Variants in TRPV5 observed in about 807,000 individuals in gnomAD.
The protein encoded by TRPV5 is calcium transport protein 2.
A neutral mutation model predicts 74.1 loss-of-function variants in TRPV5; 66 were observed. That is an observed-to-expected ratio of 0.89 (90% CI 0.73 to 1.09). TRPV5 has a LOEUF of 1.09. Ranked by LOEUF, TRPV5 falls within the 50% of genes least tolerant of loss-of-function variation. TRPV5 has a pLI of 0.00. For missense variants in TRPV5, 936 were observed against 930.4 expected (o/e 1.01, Z -0.08); for synonymous variants, 399 against 360.7 (o/e 1.11, Z -1.20).
At chr7:142,929,662 G>T (rs1796051003) in intron 3 of TRPV5, 97 bp from the exon 4 acceptor site, 1 of 1,545,744 alleles carries the variant, frequency 6.5e-7, no homozygotes, top group Non-Finnish European at 8.8e-7. Context: ...GTTCCTGATA[G>T]ATCTTTGCTA....
intron 9 of TRPV5, 31 bp from the exon 10 acceptor site, chr7:142,915,414 A>T: frequency 6.2e-7 from 1 of 1,609,344 alleles, no homozygotes; most frequent in Non-Finnish European, 8.5e-7. Flanking sequence ...CAAAAATACA[A>T]TGTGGACTGC....
intron 8 of TRPV5, among the ~76,000 whole-genome samples, chr7:142,918,784 C>T (rs1005775199): frequency 8.5e-5 from 13 of 152,196 alleles, no homozygotes; most frequent in South Asian, 6.2e-4. Context: ...CTGTCCAGGA[C>T]GCAGTTGCTC....
intron 12 of TRPV5, among the ~76,000 whole-genome samples, chr7:142,912,986 G>T (rs534102290): frequency 6.6e-6 from 1 of 152,092 alleles, no homozygotes; most frequent in Non-Finnish European, 1.5e-5. Context: ...ACCACTCTGG[G>T]TAATGGTCAT....
intron 14 of TRPV5, 49 bp downstream of exon 14, chr7:142,909,441 C>G: frequency 6.3e-7 from 1 of 1,598,966 alleles, no homozygotes; most frequent in South Asian, 1.1e-5. Flanking sequence ...CCCTTGCTTC[C>G]GTGGCCTTAT....
chr7:142,931,348 G>A (rs954987264), intron 1 of TRPV5, among the ~76,000 whole-genome samples: 1 of 152,116 alleles, frequency 6.6e-6, no homozygotes, highest in African/African-American at 2.4e-5. Flanking sequence ...CCTGCAGGGG[G>A]TGGAGAGTTG....
In TRPV5 at chr7:142,912,874, A is replaced by ATCTG. The variant is rs1252336199; in HGVS notation, c.1520-125_1520-124insCAGA. On this transcript the variant is annotated intron_variant, in intron 12 of 14. Coordinates refer to ENST00000265310, the MANE Select transcript of TRPV5 (RefSeq NM_019841.7). ...TATCTATCTATCTATCTATCTATCT[A>ATCTG]TCTATCTAAATACACTTGCACACAT... 7 of 1,100,904 alleles carry ATCTG rather than the reference A, an allele frequency of 6.4e-6. No individual in the cohort carries two copies. In the African/African-American group the frequency reaches 1.1e-4, roughly 17 times the overall value. 68.2% of individuals were successfully genotyped at this position (1,100,904 alleles called of 1,614,324 possible).
Position 142,909,541 on chromosome 7 carries a change from C to T in TRPV5, c.1844G>A (p.Arg615His), listed in dbSNP as rs760378826. Residue 615 changes from arginine (R) to histidine (H), a missense_variant, in exon 14 of 15, where the codon CGC (arginine) becomes CAC (histidine). Coordinates refer to ENST00000265310, the MANE Select transcript of TRPV5 (RefSeq NM_019841.7). ...GAATTCGCACCCACAGATCCCGGAG[C>T]GAGGCCACAGGCAGCGAGGCAGCTT... is the stretch of plus-strand genomic sequence containing the variant. Reference protein sequence around the residue: ...ERKLPRCLWPRSGICGCEFGL... With the variant: ...ERKLPRCLWPHSGICGCEFGL... 23 of 1,613,938 alleles carry T rather than the reference C, an allele frequency of 1.4e-5. No homozygotes were observed. The highest frequency in any genetic ancestry group is 8.0e-5 in the African/African-American group (6 of 74,922).
In TRPV5 at chr7:142,930,314, GC is replaced by G. The variant is rs771379401; in HGVS notation, c.226+34del. ...TTGGGGAGGAGGAGTAGGTTCTTCT[GC>G]CCCCACCTCCATCCCATTAAATCCA... is the stretch of plus-strand genomic sequence containing the variant. On this transcript the variant is annotated intron_variant, in intron 2 of 14. Transcript: ENST00000265310. The G allele has an allele frequency of 1.6e-5, 25 of 1,607,622 alleles. No individual in the cohort carries two copies. In the South Asian group the frequency reaches 2.5e-4, roughly 16 times the overall value.
chr7:142,922,304 G>A (rs1176855226), intron 8 of TRPV5, among the ~76,000 whole-genome samples: 5 of 152,130 alleles, frequency 3.3e-5, no homozygotes, highest in Admixed American at 3.3e-4. Flanking sequence ...AAAATCAAAG[G>A]AGGGCTCAAG....
At chr7:142,915,700 CA>C in intron 8 of TRPV5, 132 bp from the exon 9 acceptor site, 1 of 792,946 alleles carries the variant, frequency 1.3e-6, no homozygotes, top group Admixed American at 2.7e-5. Flanking sequence ...ACCCCACCCC[CA>C]TTGTACTTGC....
rs1201410443 is a variant in TRPV5 at position 142,924,387 on chromosome 7, T to TAC, written c.1122+1141_1122+1142insGT. ...ATGTATATATATACATATATATATA[T>TAC]ATATACATATACATGTATATATATA... is the stretch of plus-strand genomic sequence containing the variant. On this transcript the variant is annotated intron_variant, in intron 8 of 14. Coordinates refer to ENST00000265310, the MANE Select transcript of TRPV5 (RefSeq NM_019841.7). 1.1e-4 allele frequency among the ~76,000 whole-genome samples: 14 copies of TAC among 123,694 alleles called. 1 individual carries two copies. Among genetic ancestry groups the TAC allele is most frequent in the African/African-American group, 4.7e-4 (13 of 27,608 alleles). 81.1% of individuals were successfully genotyped at this position (123,694 alleles called of 152,430 possible). A position where few individuals can be genotyped will look rare whatever the true frequency, so the allele number is the denominator to read the frequency against.
intron 1 of TRPV5, among the ~76,000 whole-genome samples, chr7:142,931,197 T>C (rs544555348): frequency 6.6e-6 from 1 of 151,942 alleles, no homozygotes; most frequent in South Asian, 2.1e-4. Flanking sequence ...TAATTTTTTG[T>C]ATTTTTAGTA....
At chr7:142,927,529 G>A (rs939218858) in intron 7 of TRPV5, among the ~76,000 whole-genome samples, 2 of 152,128 alleles carry the variant, frequency 1.3e-5, no homozygotes, top group Admixed American at 6.6e-5. Context: ...CTGAGGAAAC[G>A]TACAATCATG....
chr7:142,913,336 T>C (rs372607106), intron 12 of TRPV5, among the ~76,000 whole-genome samples: 54 of 152,342 alleles, frequency 3.5e-4, no homozygotes, highest in African/African-American at 1.2e-3. Flanking sequence ...AGGACAGCGC[T>C]GGACTGCTTG....
In TRPV5 at chr7:142,925,618, T is replaced by A; in HGVS notation, c.1033A>T (p.Thr345Ser). 6.2e-7 allele frequency: 1 copy of A among 1,614,080 alleles called. No individual in the cohort carries two copies. Among genetic ancestry groups the A allele is most frequent in the East Asian group, 2.2e-5 (1 of 44,868 alleles). The part of the protein sequence containing the change: ...LYLLYMICFT[T>S]CCVYRPLKFR... ...TTAAGGGGGCGGTAGACGCAGCACG[T>A]AGTAAAGCAGATCATGTAGAGCAGG... Residue 345 changes from threonine (T) to serine (S), a missense_variant, in exon 8 of 15, where the codon ACG becomes TCG. Physicochemically the swap from Thr to Ser is moderately conservative, Grantham distance 58. Transcript: ENST00000265310.
chr7:142,925,372 G>A (rs1795965797), intron 8 of TRPV5, 157 bp downstream of exon 8: 3 of 685,386 alleles, frequency 4.4e-6, no homozygotes, highest in Admixed American at 2.5e-5. Context: ...CCCCATCTGT[G>A]GCCTCCTGGT....
At position 142,915,681 on chromosome 7, in the gene TRPV5, A is replaced by G. The variant is rs535476749; in HGVS notation, c.1123-113T>C. The G allele has an allele frequency of 1.6e-5, 15 of 927,362 alleles. No individual in the cohort carries two copies. In the African/African-American group the frequency reaches 2.3e-4, roughly 14 times the overall value. 57.4% of individuals were successfully genotyped at this position (927,362 alleles called of 1,614,324 possible). A position where few individuals can be genotyped will look rare whatever the true frequency, so the allele number is the denominator to read the frequency against. ...CAAAATAAAGGAAACTCCCCTTCCCACCAGCATCACCCCACCCCCATTGTA... is the reference window on the plus strand; with the variant it reads ...CAAAATAAAGGAAACTCCCCTTCCCGCCAGCATCACCCCACCCCCATTGTA... On this transcript the variant is annotated intron_variant, in intron 8 of 14. Coordinates refer to ENST00000265310, the MANE Select transcript of TRPV5 (RefSeq NM_019841.7).
chr7:142,918,327 C>T (rs751015920), intron 8 of TRPV5, among the ~76,000 whole-genome samples: 5 of 152,184 alleles, frequency 3.3e-5, no homozygotes, highest in African/African-American at 4.8e-5. Context: ...TATCAGGGCA[C>T]CCATTCTCCA....
rs149459190 is a variant in TRPV5, at chr7:142,930,077, G to T, written c.330C>A (p.Thr110=). The T allele has an allele frequency of 1.9e-6, 3 of 1,613,934 alleles. No individual in the cohort carries two copies. The highest frequency in any genetic ancestry group is 1.3e-5 in the African/African-American group (1 of 74,892). ...EAAPELVFEP[T]TCEAFAGQTA... is the part of the protein sequence containing the mutation. The stretch of plus-strand genomic sequence containing the variant: ...CCTTACCTGCAAAAGCCTCACATGT[G>T]GTGGGCTCAAAGACCAGCTCTGGGG... The change falls in exon 3 of 15, where the codon ACC becomes ACA. Residue 110 remains threonine, a synonymous_variant. Transcript: ENST00000265310.
Sources: gnomAD v4.1 joint callset for allele counts (sites outside exome capture counted in the v4.1 genomes callset) on GRCh38, gnomAD v4.1.1 for gene constraint, MANE v1.5 for transcripts, NCBI Gene and HGNC (gene_info 2026-07-23, HGNC 2026-07-21) for gene names.